NEK5: variants seen among roughly 807,000 people sequenced by gnomAD.
The protein encoded by NEK5 is NIMA related kinase 5, also known as serine/threonine-protein kinase Nek5.
In NEK5, 88 loss-of-function variants were observed where a neutral mutation model predicts 109.2. The observed-to-expected ratio is 0.81, with a 90% CI of 0.68 to 0.96. The LOEUF is 0.96. NEK5 is among the 40% of genes least tolerant of loss of function. The pLI is 0.00. For synonymous variants in NEK5, 283 were observed against 299.9 expected (o/e 0.94, Z 0.58); for missense variants, 834 against 920.7 (o/e 0.91, Z 1.22).
At position 52,061,966 on chromosome 13, in the gene NEK5, G is replaced by C; in HGVS notation, c.1976-13C>G. The stretch of plus-strand genomic sequence containing the variant: ...ATAACTTGGCCATCTGAAGAGGAAA[G>C]TGTTATTAAAAATAAAAATGCTTCT... On this transcript the variant is annotated splice_polypyrimidine_tract_variant and intron_variant, in intron 21 of 23. Transcript: ENST00000684899. 8 of 482,328 alleles carry C rather than the reference G, an allele frequency of 1.7e-5. No individual in the cohort carries two copies. Among genetic ancestry groups the C allele is most frequent in the Non-Finnish European group, 1.9e-5 (7 of 369,796 alleles). The allele number at this position is 482,328 out of a possible 1,614,324, so 29.9% of individuals were successfully genotyped here.
At chr13:52,060,118 CAT>C (rs1313629355) in intron 22 of NEK5, among the ~76,000 whole-genome samples, 1 of 152,110 alleles carries the variant, frequency 6.6e-6, no homozygotes, top group South Asian at 2.1e-4. Context: ...CTCCAAATAA[CAT>C]ATAATGCTAA....
At chr13:52,064,532 G>A (rs1187247088) in intron 21 of NEK5, among the ~76,000 whole-genome samples, 21 of 149,992 alleles carry the variant, frequency 1.4e-4, no homozygotes, top group East Asian at 1.2e-3. Flanking sequence ...CAGCCGCCCC[G>A]TCCGGGAGGT....
At position 52,050,109 on chromosome 13, in the gene NEK5, A is replaced by G; in HGVS notation, c.2223T>C (p.Asp741=). 1 of 978,204 alleles carries G rather than the reference A, an allele frequency of 1.0e-6. No homozygotes were observed. The highest frequency in any genetic ancestry group is 1.2e-6 in the Non-Finnish European group (1 of 822,914). 60.6% of individuals were successfully genotyped at this position (978,204 alleles called of 1,614,324 possible). A position where few individuals can be genotyped will look rare whatever the true frequency, so the allele number is the denominator to read the frequency against. The part of the protein sequence containing the change: ...EEQLEPRSDD[D]DTNFEESEDE... ...TCGGCAAATGATCTACTTACGTATCATCATCATCAGATCTTGGTTCTAGTT... is the reference window on the plus strand; with the variant it reads ...TCGGCAAATGATCTACTTACGTATCGTCATCATCAGATCTTGGTTCTAGTT... The change falls in exon 23 of 24, where the codon GAT becomes GAC. Residue 741 remains aspartate, a synonymous_variant. Coordinates refer to ENST00000684899, the MANE Select transcript of NEK5 (RefSeq NM_001365552.1).
intron 3 of NEK5, among the ~76,000 whole-genome samples, chr13:52,123,315 T>C (rs1346712428): frequency 2.0e-5 from 3 of 152,280 alleles, no homozygotes; most frequent in South Asian, 4.1e-4. Flanking sequence ...ATTTATGGCA[T>C]AGTGACAAGA....
At chr13:52,077,315 G>A (rs536655620) in intron 17 of NEK5, among the ~76,000 whole-genome samples, 115 of 152,238 alleles carry the variant, frequency 7.6e-4, no homozygotes, top group African/African-American at 2.7e-3. Flanking sequence ...CAACCAAAGA[G>A]CCAAATCAAA....
chr13:52,076,371 C>T (rs1276675231), intron 17 of NEK5, among the ~76,000 whole-genome samples: 1 of 152,152 alleles, frequency 6.6e-6, no homozygotes, highest in African/African-American at 2.4e-5. Context: ...CTTATCACTC[C>T]AGTCCACTCC....
At chr13:52,071,590 C>T (rs1954784715) in intron 20 of NEK5, among the ~76,000 whole-genome samples, 1 of 152,212 alleles carries the variant, frequency 6.6e-6, no homozygotes. Flanking sequence ...TAAAGGGTCA[C>T]TGGGAAGAGC....
At chr13:52,117,052 G>C (rs1484145302) in intron 4 of NEK5, among the ~76,000 whole-genome samples, 1 of 151,948 alleles carries the variant, frequency 6.6e-6, no homozygotes, top group Non-Finnish European at 1.5e-5. Context: ...CCAAGTAGCT[G>C]GGATTACAGG....
intron 4 of NEK5, among the ~76,000 whole-genome samples, chr13:52,115,039 A>G (rs930543208): frequency 6.0e-5 from 9 of 150,498 alleles, no homozygotes; most frequent in Non-Finnish European, 1.2e-4. Flanking sequence ...TTGAGACGGA[A>G]TCTCGCTCTG....
At chr13:52,041,203 A>G (rs1954410199) in intron 23 of NEK5, among the ~76,000 whole-genome samples, 1 of 152,312 alleles carries the variant, frequency 6.6e-6, no homozygotes, top group South Asian at 2.1e-4. Context: ...AAAAAATTGG[A>G]CCATGAACTA....
chr13:52,128,883 A>G (rs1423441713), intron 1 of NEK5, 146 bp downstream of exon 1: 3 of 152,186 alleles, frequency 2.0e-5, no homozygotes, highest in African/African-American at 7.2e-5. Flanking sequence ...TGGACGCTAC[A>G]CCCACACAGC....
In NEK5 at chr13:52,129,030, T is replaced by G. The variant is rs967147759; in HGVS notation, c.-92A>C. On this transcript the variant is annotated splice_region_variant and 5_prime_UTR_variant, in exon 1 of 24. Transcript: ENST00000684899. Reference sequence around the variant, plus strand: ...TAAGGGCGGCCCCTGCAAGCGTACCTGCTCCGCCGGCTCCGCGGGGCCAAC... The same window carrying G: ...TAAGGGCGGCCCCTGCAAGCGTACCGGCTCCGCCGGCTCCGCGGGGCCAAC... 1 of 152,282 alleles carries G rather than the reference T, an allele frequency of 6.6e-6. No homozygotes were observed. Among genetic ancestry groups the G allele is most frequent in the Non-Finnish European group, 1.5e-5 (1 of 68,082 alleles). The allele number at this position is 152,282 out of a possible 1,614,324, so 9.4% of individuals were successfully genotyped here.
intron 23 of NEK5, among the ~76,000 whole-genome samples, chr13:52,049,389 A>G (rs1954484676): frequency 6.6e-6 from 1 of 152,062 alleles, no homozygotes; most frequent in African/African-American, 2.4e-5. Flanking sequence ...GCGCCTCCAC[A>G]CTCCAGCCTG....
Position 52,102,158 on chromosome 13 carries a change from T to A in NEK5, c.744A>T (p.Pro248=), listed in dbSNP as rs1458504632. ...QLFQVSPRDR[P]SINSILKRPF... Reference sequence around the variant, plus strand: ...GCCTTTTCAAAATGGAATTTATGGATGGTCGGTCTCGAGGAGATACTTGAA... The same window carrying A: ...GCCTTTTCAAAATGGAATTTATGGAAGGTCGGTCTCGAGGAGATACTTGAA... The change falls in exon 10 of 24, where the codon CCA becomes CCT. Residue 248 remains proline, a synonymous_variant. Transcript: ENST00000684899. 2 of 1,613,970 alleles carry A rather than the reference T, an allele frequency of 1.2e-6. No homozygotes were observed. Among genetic ancestry groups the A allele is most frequent in the African/African-American group, 1.3e-5 (1 of 75,022 alleles).
intron 21 of NEK5, among the ~76,000 whole-genome samples, chr13:52,062,790 C>T (rs1465887493): frequency 1.3e-5 from 2 of 152,088 alleles, no homozygotes; most frequent in Non-Finnish European, 2.9e-5. Flanking sequence ...AGGTAGAAAA[C>T]ATAATCATAT....
At position 52,120,786 on chromosome 13, in the gene NEK5, C is replaced by G. The variant is rs188471348; in HGVS notation, c.118-1371G>C. The stretch of plus-strand genomic sequence containing the variant: ...AATTAGCCAGGCGTGGTGGCACACA[C>G]CTGTGGTCTCAGCTACTCAGGAGGC... On this transcript the variant is annotated intron_variant, in intron 3 of 23. Coordinates refer to ENST00000684899, the MANE Select transcript of NEK5 (RefSeq NM_001365552.1). Among the ~76,000 whole-genome samples the G allele has an allele frequency of 4.8e-3, 728 of 152,110 alleles. 19 individuals carry two copies. The highest frequency in any genetic ancestry group is 1.4e-3 in the Non-Finnish European group (94 of 67,996).
intron 3 of NEK5, among the ~76,000 whole-genome samples, chr13:52,121,951 A>G (rs2138129578): frequency 6.8e-6 from 1 of 146,042 alleles, no homozygotes; most frequent in African/African-American, 2.6e-5. Context: ...TTTTTTTTTT[A>G]AGACAGAGTT....
At chr13:52,105,775 A>G (rs1955640339) in intron 8 of NEK5, among the ~76,000 whole-genome samples, 2 of 152,296 alleles carry the variant, frequency 1.3e-5, no homozygotes, top group East Asian at 3.9e-4. Flanking sequence ...CCAGTCCTCT[A>G]ATGGAGCCAG....
chr13:52,121,049 T>C (rs1050947998), intron 3 of NEK5, among the ~76,000 whole-genome samples: 2 of 152,066 alleles, frequency 1.3e-5, no homozygotes, highest in Non-Finnish European at 2.9e-5. Flanking sequence ...TTATTTCTGG[T>C]AAAACTACAC....
Sources: allele counts gnomAD v4.1 joint callset (sites outside exome capture counted in the v4.1 genomes callset), GRCh38; gene constraint gnomAD v4.1.1; transcripts MANE v1.5; gene names NCBI Gene and HGNC (gene_info 2026-07-23, HGNC 2026-07-21).